Variants in CFH observed in about 807,000 individuals in gnomAD.
CFH encodes the protein H factor 1 (complement).
A neutral mutation model predicts 147.3 loss-of-function variants in CFH; 53 were observed. The observed-to-expected ratio is 0.36, with a 90% CI of 0.29 to 0.45. The LOEUF (loss-of-function observed/expected upper bound fraction) is 0.45, where lower values mean the gene tolerates loss of function less well. Ranked by LOEUF, CFH falls within the 20% of genes least tolerant of loss-of-function variation. The pLI, the probability that CFH is intolerant of heterozygous loss-of-function variation, is 1.00. For synonymous variants in CFH, 536 were observed against 489.4 expected, an observed-to-expected ratio of 1.10 and a Z score of -1.26; for missense variants, 1,380 against 1,498.0, an observed-to-expected ratio of 0.92 and a Z score of 1.30.
chr1:196,713,084 C>A (rs375988477), intron 9 of CFH, among the ~76,000 whole-genome samples: 1 of 152,022 alleles, frequency 6.6e-6, no homozygotes, highest in Non-Finnish European at 1.5e-5. Flanking sequence ...CATACATGTG[C>A]ATGTAACCGA....
chr1:196,709,322 T>C (rs1179006269), intron 9 of CFH, among the ~76,000 whole-genome samples: 3 of 152,104 alleles, frequency 2.0e-5, no homozygotes, highest in Non-Finnish European at 4.4e-5. Flanking sequence ...AATATTACAA[T>C]AAAACCATAG....
At chr1:196,658,343 G>A (rs1384307867) in intron 1 of CFH, among the ~76,000 whole-genome samples, 2 of 150,764 alleles carry the variant, frequency 1.3e-5, no homozygotes, top group African/African-American at 4.9e-5. Context: ...GACCTCCTGG[G>A]CTCAAGCAGT....
At chr1:196,717,163 A>G (rs1668889699) in intron 11 of CFH, among the ~76,000 whole-genome samples, 1 of 152,104 alleles carries the variant, frequency 6.6e-6, no homozygotes, top group South Asian at 2.1e-4. Context: ...AAGGTAGTGT[A>G]ACAGATTGCT....
chr1:196,682,758 A>G (rs1039856160), intron 6 of CFH, among the ~76,000 whole-genome samples: 3 of 151,672 alleles, frequency 2.0e-5, no homozygotes, highest in African/African-American at 7.2e-5. Flanking sequence ...ATAAAATAGT[A>G]AAATTTTAAA....
chr1:196,669,718 C>A (rs926085785), intron 1 of CFH, among the ~76,000 whole-genome samples: 1 of 152,206 alleles, frequency 6.6e-6, no homozygotes, highest in Non-Finnish European at 1.5e-5. Flanking sequence ...TCATGGAGAA[C>A]CTCTACTAGG....
intron 3 of CFH, among the ~76,000 whole-genome samples, chr1:196,675,698 C>T (rs540488532): frequency 1.3e-5 from 2 of 151,738 alleles, no homozygotes; most frequent in Non-Finnish European, 2.9e-5. Context: ...TATTTTCAGT[C>T]CATGCACCAA....
At position 196,683,364 on chromosome 1, in the gene CFH, G is replaced by A. The variant is rs114469079; in HGVS notation, c.791-1700G>A. 5.8e-3 allele frequency among the ~76,000 whole-genome samples: 881 copies of A among 151,770 alleles called. 10 individuals carry two copies. Among genetic ancestry groups the A allele is most frequent in the African/African-American group, 0.02 (833 of 41,496 alleles). On this transcript the variant is annotated intron_variant, in intron 6 of 21. Coordinates refer to ENST00000367429, the MANE Select transcript of CFH (RefSeq NM_000186.4). The stretch of plus-strand genomic sequence containing the variant: ...CAAAGCATTTCTGAATTTGGACATT[G>A]GGCTCATTGGTAGCTTTTATCAGAG...
At chr1:196,741,190 T>A (rs1652797735) in intron 18 of CFH, 1 of 261,696 alleles carries the variant, frequency 3.8e-6, no homozygotes, top group East Asian at 9.5e-5. Context: ...GCAAAAAATT[T>A]GGAAATGCAC....
Position 196,679,762 on chromosome 1 carries a change from A to G in CFH, c.759A>G (p.Glu253=), listed in dbSNP as rs747103626. 8 of 1,611,520 alleles carry G rather than the reference A, an allele frequency of 5.0e-6. No individual in the cohort carries two copies. The South Asian group carries it at 8.8e-5, about 18-fold the overall frequency. The part of the protein sequence containing the change: ...YSERGDAVCT[E]SGWRPLPSCE... ...AAAGAGGAGATGCTGTATGCACTGA[A>G]TCTGGATGGCGTCCGTTGCCTTCAT... is the stretch of plus-strand genomic sequence containing the variant. The change falls in exon 6 of 22, where the codon GAA becomes GAG. Residue 253 remains glutamate (E), a synonymous_variant. Coordinates refer to ENST00000367429, the MANE Select transcript of CFH (RefSeq NM_000186.4).
chr1:196,720,259 G>A lies in CFH; in HGVS notation c.1696+4490G>A, dbSNP rs203670. On this transcript the variant is annotated intron_variant, in intron 11 of 21. Transcript: ENST00000367429. ...AGATATTTCCATGGTGTTTTATGAT[G>A]TGTTCTTTTATTTTTAAAATTTTAA... Among the ~76,000 whole-genome samples the A allele has an allele frequency of 6.4e-3, 980 of 151,982 alleles. 10 individuals carry two copies. The highest frequency in any genetic ancestry group is 0.022 in the African/African-American group (913 of 41,536).
At chr1:196,693,766 A>T (rs962834527) in intron 9 of CFH, among the ~76,000 whole-genome samples, 2 of 152,136 alleles carry the variant, frequency 1.3e-5, no homozygotes, top group South Asian at 2.1e-4. Flanking sequence ...ACCTTTTTTT[A>T]TTGCTAAGTA....
chr1:196,705,637 A>G (rs1354096319), intron 9 of CFH, among the ~76,000 whole-genome samples: 1 of 152,166 alleles, frequency 6.6e-6, no homozygotes, highest in African/African-American at 2.4e-5. Context: ...CTTGGGGAAT[A>G]TCATGAGGCC....
At chr1:196,654,470 A>G (rs1306302652) in intron 1 of CFH, among the ~76,000 whole-genome samples, 1 of 152,170 alleles carries the variant, frequency 6.6e-6, no homozygotes, top group Non-Finnish European at 1.5e-5. Flanking sequence ...GGGTCACTGC[A>G]GGCTACTAAG....
chr1:196,689,992 G>T (rs1667967605), intron 8 of CFH, 71 bp from the exon 9 acceptor site: 1 of 1,410,332 alleles, frequency 7.1e-7, no homozygotes, highest in Admixed American at 2.1e-5. Flanking sequence ...AAAAATAATT[G>T]TAATATACTA....
At chr1:196,684,835 G>A (rs561535687) in intron 6 of CFH, among the ~76,000 whole-genome samples, 42 of 152,086 alleles carry the variant, frequency 2.8e-4, no homozygotes, top group Middle Eastern at 3.4e-3. Context: ...GGATGACTTT[G>A]GAGAAGAAGG....
intron 9 of CFH, among the ~76,000 whole-genome samples, chr1:196,710,907 T>C (rs537042513): frequency 1.3e-5 from 2 of 152,236 alleles, no homozygotes; most frequent in Admixed American, 1.3e-4. Flanking sequence ...ACCTAATCCT[T>C]CTTGAGAGAG....
chr1:196,719,201 C>T (rs1388285100), intron 11 of CFH, among the ~76,000 whole-genome samples: 2 of 151,894 alleles, frequency 1.3e-5, no homozygotes, highest in African/African-American at 2.4e-5. Context: ...CTCTAAATCA[C>T]GTTTTGTAAG....
chr1:196,653,160 T>C (rs1666561965), intron 1 of CFH, among the ~76,000 whole-genome samples: 1 of 151,734 alleles, frequency 6.6e-6, no homozygotes, highest in Admixed American at 6.6e-5. Flanking sequence ...TAAAAGCAGA[T>C]ATATTCTTAT....
intron 18 of CFH, 47 bp from the exon 19 acceptor site, chr1:196,741,828 C>T (rs1040667965): frequency 2.6e-6 from 4 of 1,557,114 alleles, no homozygotes; most frequent in Admixed American, 3.3e-5. Context: ...TGTATGTAAC[C>T]TATTTTTAAA....
Sources: gnomAD v4.1 joint callset for allele counts (sites outside exome capture counted in the v4.1 genomes callset) on GRCh38, gnomAD v4.1.1 for gene constraint, MANE v1.5 for transcripts, NCBI Gene and HGNC (gene_info 2026-07-23, HGNC 2026-07-21) for gene names.